Variants in COG5 observed in about 807,000 individuals in gnomAD.
COG5 encodes conserved oligomeric Golgi complex subunit 5.
A neutral mutation model predicts 110.4 loss-of-function variants in COG5; 86 were observed. That is an observed-to-expected ratio of 0.78 (90% confidence interval 0.65 to 0.93). The LOEUF is 0.93. COG5 is among the 40% of genes least tolerant of loss of function. The probability of loss-of-function intolerance (pLI) is 0.00; values close to 1 mark genes in which losing one functional copy is unlikely to be tolerated. For missense variants in COG5, 1,077 were observed against 987.0 expected (o/e 1.09, Z -1.22); for synonymous variants, 360 against 334.6 (o/e 1.08, Z -0.83).
chr7:107,550,377 C>T (rs897902424), intron 3 of COG5, among the ~76,000 whole-genome samples: 1 of 152,160 alleles, frequency 6.6e-6, no homozygotes, highest in African/African-American at 2.4e-5. Flanking sequence ...GAGTATTAAT[C>T]TCATCATACA....
At chr7:107,306,405 A>C (rs1415898425) in intron 11 of COG5, among the ~76,000 whole-genome samples, 1 of 152,200 alleles carries the variant, frequency 6.6e-6, no homozygotes, top group Non-Finnish European at 1.5e-5. Context: ...AAATAAATGT[A>C]ATTTTCTTTA....
intron 6 of COG5, among the ~76,000 whole-genome samples, chr7:107,517,716 G>A (rs966008289): frequency 1.6e-4 from 20 of 126,682 alleles, no homozygotes; most frequent in Admixed American, 6.3e-4. Flanking sequence ...TTTTTTTTTT[G>A]TGATGGAGTC....
intron 6 of COG5, among the ~76,000 whole-genome samples, chr7:107,462,267 T>C (rs1468539635): frequency 6.6e-6 from 1 of 152,184 alleles, no homozygotes; most frequent in African/African-American, 2.4e-5. Context: ...AGGCTAAGTG[T>C]GTGTTCACAA....
chr7:107,378,376 T>TCACAACTCCTCGCCAGCA (rs1253146840), intron 7 of COG5, among the ~76,000 whole-genome samples: 3 of 151,884 alleles, frequency 2.0e-5, no homozygotes, highest in African/African-American at 7.3e-5. Context: ...TTCCAGAAAA[T>TCACAACTCCTCGCCAGCA]CACAACTCCT....
chr7:107,237,753 T>C (rs926096767), intron 17 of COG5, among the ~76,000 whole-genome samples: 1 of 152,198 alleles, frequency 6.6e-6, no homozygotes, highest in African/African-American at 2.4e-5. Flanking sequence ...GGGTGTATGG[T>C]GCAACATTTT....
At chr7:107,458,919 T>TAA (rs1272865179) in intron 6 of COG5, among the ~76,000 whole-genome samples, 14 of 151,322 alleles carry the variant, frequency 9.3e-5, no homozygotes. Flanking sequence ...TATACATATA[T>TAA]TATATGTACA....
chr7:107,208,385 T>A (rs1798921715), intron 21 of COG5: 6 of 985,450 alleles, frequency 6.1e-6, no homozygotes, highest in Non-Finnish European at 7.2e-6. Flanking sequence ...AGATTTGTGA[T>A]GTACACACAG....
rs573608101 is a variant in COG5 at position 107,224,452 on chromosome 7, G to A, written c.2168+6163C>T. Among the ~76,000 whole-genome samples the A allele has an allele frequency of 5.9e-5, 9 of 152,298 alleles. 1 individual carries two copies. The South Asian group carries it at 1.9e-3, about 32-fold the overall frequency. On this transcript the variant is annotated intron_variant, in intron 19 of 21. Coordinates refer to ENST00000297135, the MANE Select transcript of COG5 (RefSeq NM_006348.5). ...CATCAGAACACAGCCCCTATCTCCT[G>A]ACAGCTTTCACTGCCCTTTCATTAA...
intron 6 of COG5, among the ~76,000 whole-genome samples, chr7:107,430,497 C>A (rs983202421): frequency 2.0e-5 from 3 of 152,178 alleles, no homozygotes; most frequent in Non-Finnish European, 4.4e-5. Context: ...TAGCTCTGTA[C>A]TAAGTTTTAA....
intron 16 of COG5, 83 bp downstream of exon 16, chr7:107,256,649 T>A: frequency 1.2e-6 from 1 of 852,290 alleles, no homozygotes; most frequent in Non-Finnish European, 2.0e-6. Context: ...TGAATTATTA[T>A]AAAATGTGAC....
At chr7:107,223,035 C>T (rs1269274971) in intron 19 of COG5, among the ~76,000 whole-genome samples, 1 of 152,200 alleles carries the variant, frequency 6.6e-6, no homozygotes, top group Non-Finnish European at 1.5e-5. Flanking sequence ...CCACATCTAA[C>T]ATCAGTGGTA....
At chr7:107,484,321 G>A (rs959652263) in intron 6 of COG5, among the ~76,000 whole-genome samples, 2 of 152,098 alleles carry the variant, frequency 1.3e-5, no homozygotes, top group African/African-American at 4.8e-5. Context: ...ATTAAGTCCT[G>A]TATTCTTACA....
At chr7:107,238,363 T>C (rs1365587257) in intron 17 of COG5, among the ~76,000 whole-genome samples, 1 of 152,234 alleles carries the variant, frequency 6.6e-6, no homozygotes, top group Non-Finnish European at 1.5e-5. Context: ...ATTGTGTATG[T>C]ATACCACATT....
intron 11 of COG5, among the ~76,000 whole-genome samples, chr7:107,318,546 T>G (rs1165249216): frequency 1.3e-5 from 2 of 152,188 alleles, no homozygotes; most frequent in African/African-American, 4.8e-5. Flanking sequence ...TTTTTTGGCT[T>G]AAACAGCAAA....
At chr7:107,392,530 AG>A (rs1376672726) in intron 7 of COG5, among the ~76,000 whole-genome samples, 3 of 152,202 alleles carry the variant, frequency 2.0e-5, no homozygotes, top group Non-Finnish European at 4.4e-5. Context: ...TACCAATTAA[AG>A]AAAGGCCTAT....
At position 107,391,082 on chromosome 7, in the gene COG5, G is replaced by T. The variant is rs145189712; in HGVS notation, c.670-18322C>A. ...TTTGACCATCCACGGATGCATGATT[G>T]CTCTCTACTTGGTGGGAGGAGGGGG... On this transcript the variant is annotated intron_variant, in intron 7 of 21. Transcript: ENST00000297135. Among the ~76,000 whole-genome samples the T allele has an allele frequency of 1.4e-4, 21 of 152,182 alleles. No homozygotes were observed. The East Asian group carries it at 2.7e-3, about 20-fold the overall frequency.
chr7:107,208,594 G>A (rs1798932970), intron 21 of COG5: 1 of 985,268 alleles, frequency 1.0e-6, no homozygotes, highest in Non-Finnish European at 1.2e-6. Context: ...TGTTAGCCCA[G>A]GCCCAAACTC....
intron 19 of COG5, among the ~76,000 whole-genome samples, chr7:107,212,407 A>G (rs1244037181): frequency 6.6e-6 from 1 of 152,238 alleles, no homozygotes; most frequent in East Asian, 1.9e-4. Context: ...TGCAAGGTCC[A>G]AATAATTTCA....
At chr7:107,400,045 C>CT (rs79981193) in intron 7 of COG5, among the ~76,000 whole-genome samples, 17,261 of 147,662 alleles carry the variant, frequency 0.12, 2,292 homozygotes, top group African/African-American at 0.33. Flanking sequence ...AAAATCTAAC[C>CT]TTTTTTTTTT....
Sources: allele counts gnomAD v4.1 joint callset (sites outside exome capture counted in the v4.1 genomes callset), GRCh38; gene constraint gnomAD v4.1.1; transcripts MANE v1.5; gene names NCBI Gene and HGNC (gene_info 2026-07-23, HGNC 2026-07-21).